COG5: variants seen among roughly 807,000 people sequenced by gnomAD.
The protein encoded by COG5 is conserved oligomeric Golgi complex subunit 5.
COG5 carries 86 observed loss-of-function variants against 110.4 expected under a neutral mutation model. That is an observed-to-expected ratio of 0.78 (90% CI 0.65 to 0.93). COG5 has a LOEUF of 0.93. COG5 is among the 40% of genes least tolerant of loss of function. The pLI is 0.00. For synonymous variants in COG5, 360 were observed against 334.6 expected, an observed-to-expected ratio of 1.08 and a Z score of -0.83; for missense variants, 1,077 against 987.0, an observed-to-expected ratio of 1.09 and a Z score of -1.22.
At chr7:107,546,737 A>T (rs144536978) in intron 5 of COG5, among the ~76,000 whole-genome samples, 143 of 152,188 alleles carry the variant, frequency 9.4e-4, no homozygotes, top group African/African-American at 3.3e-3. Flanking sequence ...ATTATAAGAA[A>T]CTACTATGAA....
At chr7:107,440,442 T>C (rs1463346238) in intron 6 of COG5, among the ~76,000 whole-genome samples, 3 of 152,112 alleles carry the variant, frequency 2.0e-5, no homozygotes, top group South Asian at 2.1e-4. Context: ...AAATATTTCA[T>C]CTTTGTCCCA....
intron 17 of COG5, among the ~76,000 whole-genome samples, chr7:107,239,792 T>C (rs1470846790): frequency 2.6e-5 from 4 of 152,242 alleles, no homozygotes; most frequent in Non-Finnish European, 5.9e-5. Flanking sequence ...ATTTCGAAGA[T>C]TTCTCCTATT....
rs74639331 is a variant in COG5, at chr7:107,487,476, A to T, written c.538+39761T>A. The stretch of plus-strand genomic sequence containing the variant: ...CTGGGACTCCCGACGTATCAGGATT[A>T]AGGTGTGAGGCACCGTGCCTGGCTA... On this transcript the variant is annotated intron_variant, in intron 6 of 21. Coordinates refer to ENST00000297135, the MANE Select transcript of COG5 (RefSeq NM_006348.5). Among the ~76,000 whole-genome samples the T allele has an allele frequency of 5.5e-3, 840 of 152,248 alleles. 8 individuals are homozygous for T. The highest frequency in any genetic ancestry group is 0.019 in the African/African-American group (809 of 41,556).
chr7:107,541,523 A>AATATATATAT lies in COG5; in HGVS notation c.417+6578_417+6587dup, dbSNP rs1554460370. ...AAAAAAAAAAAAAAAAAAAAAAAAA[A>AATATATATAT]ATATATATATATATATATATGTATT... On this transcript the variant is annotated intron_variant, in intron 5 of 21. Transcript: ENST00000297135. Among the ~76,000 whole-genome samples the AATATATATAT allele has an allele frequency of 8.7e-3, 496 of 56,948 alleles. 11 individuals carry two copies. Among genetic ancestry groups the AATATATATAT allele is most frequent in the African/African-American group, 0.022 (334 of 14,918 alleles). The allele number at this position is 56,948 out of a possible 152,430, so 37.4% of individuals were successfully genotyped here.
chr7:107,282,583 G>A (rs1318122500), intron 13 of COG5, among the ~76,000 whole-genome samples: 1 of 152,114 alleles, frequency 6.6e-6, no homozygotes. Context: ...GTGCAGTGGC[G>A]TGATGTCGGC....
intron 10 of COG5, among the ~76,000 whole-genome samples, chr7:107,352,800 C>A (rs993651013): frequency 4.6e-5 from 7 of 152,134 alleles, no homozygotes; most frequent in Non-Finnish European, 1.0e-4. Context: ...ATCCTATACA[C>A]ATGATTACAA....
At chr7:107,299,256 A>C (rs1340134155) in intron 11 of COG5, among the ~76,000 whole-genome samples, 1 of 152,128 alleles carries the variant, frequency 6.6e-6, no homozygotes, top group Non-Finnish European at 1.5e-5. Flanking sequence ...TTGAAAAGAT[A>C]AGTAAAATTG....
intron 6 of COG5, among the ~76,000 whole-genome samples, chr7:107,459,642 T>C (rs1167743370): frequency 1.3e-5 from 2 of 150,058 alleles, no homozygotes; most frequent in Admixed American, 6.6e-5. Context: ...CTGGGAAAAA[T>C]AAAAAAAGCC....
At chr7:107,549,865 T>C (rs1180557466) in intron 3 of COG5, among the ~76,000 whole-genome samples, 3 of 152,140 alleles carry the variant, frequency 2.0e-5, no homozygotes, top group Non-Finnish European at 2.9e-5. Context: ...TTTCATTCAG[T>C]CCCAAAGTTT....
At chr7:107,382,180 AAAG>A (rs1348201017) in intron 7 of COG5, among the ~76,000 whole-genome samples, 1 of 152,156 alleles carries the variant, frequency 6.6e-6, no homozygotes, top group Non-Finnish European at 1.5e-5. Context: ...TGTGGTCAGT[AAAG>A]AATGTCCCTT....
chr7:107,447,295 A>G (rs562844401), intron 6 of COG5, among the ~76,000 whole-genome samples: 1 of 152,270 alleles, frequency 6.6e-6, no homozygotes, highest in Non-Finnish European at 1.5e-5. Context: ...TTAAGGTCTC[A>G]TGTATTACTT....
intron 6 of COG5, among the ~76,000 whole-genome samples, chr7:107,503,526 A>G (rs947452909): frequency 7.9e-5 from 12 of 152,102 alleles, no homozygotes; most frequent in Non-Finnish European, 1.5e-4. Flanking sequence ...TTTTTTTCCC[A>G]TTCGGTGAAA....
At chr7:107,561,361 G>C (rs968383666) in intron 1 of COG5, among the ~76,000 whole-genome samples, 1 of 152,166 alleles carries the variant, frequency 6.6e-6, no homozygotes, top group Non-Finnish European at 1.5e-5. Context: ...GAATGTTGGG[G>C]GTGGAGGGGC....
chr7:107,459,200 A>C (rs1340650363), intron 6 of COG5, among the ~76,000 whole-genome samples: 1 of 152,130 alleles, frequency 6.6e-6, no homozygotes, highest in African/African-American at 2.4e-5. Context: ...TATTATCAAC[A>C]GAAAATACAC....
chr7:107,401,638 A>C (rs1418176266), intron 7 of COG5, among the ~76,000 whole-genome samples: 1 of 152,190 alleles, frequency 6.6e-6, no homozygotes, highest in Non-Finnish European at 1.5e-5. Flanking sequence ...GTTTTGAACA[A>C]GAGGGGAAAA....
chr7:107,297,882 C>G (rs189005835), intron 12 of COG5, among the ~76,000 whole-genome samples: 1 of 152,112 alleles, frequency 6.6e-6, no homozygotes, highest in Non-Finnish European at 1.5e-5. Flanking sequence ...GCATGATCAT[C>G]TTCTAGCTTC....
intron 21 of COG5, among the ~76,000 whole-genome samples, chr7:107,205,457 T>C (rs1798700254): frequency 1.3e-5 from 2 of 152,330 alleles, no homozygotes; most frequent in East Asian, 1.9e-4. Context: ...GCAAAGCATA[T>C]TTGCCCCATT....
chr7:107,205,615 G>T (rs1025534293), intron 21 of COG5, among the ~76,000 whole-genome samples: 2 of 152,192 alleles, frequency 1.3e-5, no homozygotes, highest in African/African-American at 4.8e-5. Flanking sequence ...TTCAGTTAAA[G>T]AGCCACATTC....
chr7:107,367,753 G>A (rs1321532306), intron 8 of COG5, among the ~76,000 whole-genome samples: 1 of 152,004 alleles, frequency 6.6e-6, no homozygotes, highest in Admixed American at 6.6e-5. Flanking sequence ...AAAAGACAGA[G>A]TGGTATAATG....
Sources: allele counts gnomAD v4.1 joint callset (sites outside exome capture counted in the v4.1 genomes callset), GRCh38; gene constraint gnomAD v4.1.1; transcripts MANE v1.5; gene names NCBI Gene and HGNC (gene_info 2026-07-23, HGNC 2026-07-21).